CHODL: variants seen among roughly 807,000 people sequenced by gnomAD.
CHODL encodes the protein transmembrane protein MT75.
In CHODL, 29 loss-of-function variants were observed where a neutral mutation model predicts 34.5. The ratio of observed to expected loss-of-function variants is 0.84; its 90% CI spans 0.63 to 1.15. CHODL has a LOEUF of 1.15. Among genes scored for constraint, CHODL ranks in the 50% most tolerant of loss-of-function variants. CHODL has a pLI of 0.00. For missense variants in CHODL, 332 were observed against 332.5 expected, an observed-to-expected ratio of 1.00 and a Z score of 0.01; for synonymous variants, 125 against 116.1, an observed-to-expected ratio of 1.08 and a Z score of -0.49.
intron 2 of CHODL, among the ~76,000 whole-genome samples, chr21:18,173,164 C>T (rs1480152307): frequency 6.6e-6 from 1 of 152,202 alleles, no homozygotes; most frequent in African/African-American, 2.4e-5. Context: ...AGGATAATAT[C>T]TCCATTAGTT....
At position 17,933,591 on chromosome 21, in the gene CHODL, G is replaced by A. The variant is rs539335120; in HGVS notation, c.-145+16191G>A. Among the ~76,000 whole-genome samples the A allele has an allele frequency of 2.8e-3, 421 of 152,278 alleles. 3 individuals are homozygous for A. Among genetic ancestry groups the A allele is most frequent in the African/African-American group, 9.4e-3 (391 of 41,558 alleles). On this transcript the variant is annotated intron_variant, in intron 1 of 6. Transcript: ENST00000400127. The stretch of plus-strand genomic sequence containing the variant: ...AGATTAACAGCATCTCAAGGCAGAA[G>A]AATTTTTCTTAGTACAGAACAAAAT...
chr21:17,922,840 C>T (rs756863038), intron 1 of CHODL, among the ~76,000 whole-genome samples: 2 of 152,136 alleles, frequency 1.3e-5, no homozygotes, highest in Non-Finnish European at 2.9e-5. Context: ...GCAGCCGTGA[C>T]AGCCTCAGGA....
intron 1 of CHODL, among the ~76,000 whole-genome samples, chr21:18,246,681 A>G (rs2146782864): frequency 6.6e-6 from 1 of 152,308 alleles, no homozygotes; most frequent in East Asian, 1.9e-4. Flanking sequence ...AAAAGCAGAG[A>G]CCATGCTTTG....
chr21:18,054,693 T>C (rs531805151), intron 2 of CHODL, among the ~76,000 whole-genome samples: 3 of 151,988 alleles, frequency 2.0e-5, no homozygotes, highest in Non-Finnish European at 4.4e-5. Context: ...GAGAGTGGAA[T>C]TTTAAATGTT....
At chr21:18,077,883 A>T (rs2064885499) in intron 2 of CHODL, among the ~76,000 whole-genome samples, 1 of 152,172 alleles carries the variant, frequency 6.6e-6, no homozygotes, top group Admixed American at 6.5e-5. Flanking sequence ...TCAGTAATCA[A>T]CTTTCTCCTT....
At chr21:18,260,330 T>A (rs752788991) in intron 4 of CHODL, 44 bp downstream of exon 4, 1 of 1,252,518 alleles carries the variant, frequency 8.0e-7, no homozygotes, top group Non-Finnish European at 1.1e-6. Flanking sequence ...AACTGAACTG[T>A]ACTTTCAAAC....
chr21:18,138,963 G>C (rs1439238408), intron 2 of CHODL, among the ~76,000 whole-genome samples: 1 of 152,012 alleles, frequency 6.6e-6, no homozygotes, highest in Non-Finnish European at 1.5e-5. Flanking sequence ...AGTTGCAGTA[G>C]AAATGAAAAA....
intron 2 of CHODL, 49 bp from the exon 3 acceptor site, chr21:18,256,921 T>A: frequency 6.3e-7 from 1 of 1,591,158 alleles, no homozygotes; most frequent in Non-Finnish European, 8.6e-7. Flanking sequence ...ACAGGCAGAA[T>A]CATTTAGTAG....
intron 2 of CHODL, among the ~76,000 whole-genome samples, chr21:18,213,181 A>G (rs2073790995): frequency 6.6e-6 from 1 of 152,112 alleles, no homozygotes; most frequent in Non-Finnish European, 1.5e-5. Flanking sequence ...CACTCTTATA[A>G]TTTAGTCAGC....
chr21:18,080,788 C>A (rs1179327189), intron 2 of CHODL, among the ~76,000 whole-genome samples: 1 of 152,064 alleles, frequency 6.6e-6, no homozygotes, highest in Non-Finnish European at 1.5e-5. Context: ...CAGCATTGTT[C>A]TTTTTGCTTA....
At chr21:18,100,455 A>T (rs973845741) in intron 2 of CHODL, among the ~76,000 whole-genome samples, 3 of 152,018 alleles carry the variant, frequency 2.0e-5, no homozygotes, top group Admixed American at 2.0e-4. Context: ...AAGAAAGGGG[A>T]TGGTGACTGT....
At chr21:18,132,365 T>C (rs2072667679) in intron 2 of CHODL, among the ~76,000 whole-genome samples, 1 of 152,188 alleles carries the variant, frequency 6.6e-6, no homozygotes, top group African/African-American at 2.4e-5. Context: ...ATTTTGCAGA[T>C]ATGACATCTA....
intron 1 of CHODL, among the ~76,000 whole-genome samples, chr21:17,965,246 C>T (rs1288026015): frequency 6.6e-6 from 1 of 152,054 alleles, no homozygotes; most frequent in African/African-American, 2.4e-5. Context: ...ATCTTATTCC[C>T]TACATTATAA....
intron 2 of CHODL, among the ~76,000 whole-genome samples, chr21:18,109,275 C>T (rs1029357611): frequency 2.0e-5 from 3 of 152,094 alleles, no homozygotes; most frequent in South Asian, 2.1e-4. Context: ...CCCTTCATCT[C>T]GCCACAGAAT....
intron 2 of CHODL, among the ~76,000 whole-genome samples, chr21:18,032,523 C>G (rs2064259762): frequency 6.6e-6 from 1 of 151,930 alleles, no homozygotes; most frequent in Non-Finnish European, 1.5e-5. Flanking sequence ...GATTCCTACC[C>G]CTTTCTCATT....
chr21:18,039,775 C>T (rs2064353077), intron 2 of CHODL, among the ~76,000 whole-genome samples: 1 of 151,638 alleles, frequency 6.6e-6, no homozygotes, highest in Admixed American at 6.6e-5. Context: ...AACTCTGGCA[C>T]CATGCCTTTT....
chr21:17,941,286 CTTTTTTTT>C (rs34255623), intron 1 of CHODL, among the ~76,000 whole-genome samples: 54 of 87,960 alleles, frequency 6.1e-4, no homozygotes, highest in Non-Finnish European at 6.0e-4. Context: ...TAACTTGCCT[CTTTTTTTT>C]TTTTTTTTTT....
intron 1 of CHODL, among the ~76,000 whole-genome samples, chr21:17,962,535 G>A (rs1053742086): frequency 1.3e-5 from 2 of 152,042 alleles, no homozygotes; most frequent in African/African-American, 4.8e-5. Flanking sequence ...TCTGGGGTAG[G>A]GTGGCTCCGT....
At chr21:17,985,371 G>T (rs1406026937) in intron 1 of CHODL, among the ~76,000 whole-genome samples, 1 of 152,118 alleles carries the variant, frequency 6.6e-6, no homozygotes, top group African/African-American at 2.4e-5. Flanking sequence ...CCTCTCGCAT[G>T]TATCACTCTG....
Sources: gnomAD v4.1 joint callset for allele counts (sites outside exome capture counted in the v4.1 genomes callset) on GRCh38, gnomAD v4.1.1 for gene constraint, MANE v1.5 for transcripts, NCBI Gene and HGNC (gene_info 2026-07-23, HGNC 2026-07-21) for gene names.